The following SLC23A1 variants were observed in gnomAD, a reference collection of about 807,000 sequenced individuals.
SLC23A1 encodes Na(+)/L-ascorbic acid transporter 1.
A neutral mutation model predicts 62.5 loss-of-function variants in SLC23A1; 31 were observed. That is an observed-to-expected ratio of 0.50 (90% CI 0.37 to 0.67). The LOEUF (loss-of-function observed/expected upper bound fraction) is 0.67. Among genes scored for constraint, SLC23A1 ranks in the 30% least tolerant of loss-of-function variants. The pLI, the probability that SLC23A1 is intolerant of heterozygous loss-of-function variation, is 0.00. For synonymous variants in SLC23A1, 271 were observed against 313.2 expected, an observed-to-expected ratio of 0.87 and a Z score of 1.42; for missense variants, 640 against 782.7, an observed-to-expected ratio of 0.82 and a Z score of 2.18.
In SLC23A1 at chr5:139,380,086, G is replaced by A; in HGVS notation, c.648-10C>T. 6.2e-7 allele frequency: 1 copy of A among 1,604,374 alleles called. No individual in the cohort carries two copies. Among genetic ancestry groups the A allele is most frequent in the East Asian group, 2.2e-5 (1 of 44,548 alleles). On this transcript the variant is annotated splice_polypyrimidine_tract_variant and intron_variant, in intron 6 of 14. Coordinates refer to ENST00000348729, the MANE Select transcript of SLC23A1 (RefSeq NM_005847.5). Reference sequence around the variant, plus strand: ...GATCAGGAGAATGGAGCTGGGGGCAGAGGCACAATCAGGAAGTGGATGGGA... The same window carrying A: ...GATCAGGAGAATGGAGCTGGGGGCAAAGGCACAATCAGGAAGTGGATGGGA...
At chr5:139,373,555 T>C (rs1561972869) in intron 13 of SLC23A1, among the ~76,000 whole-genome samples, 1 of 151,542 alleles carries the variant, frequency 6.6e-6, no homozygotes, top group African/African-American at 2.4e-5. Flanking sequence ...ACAAGAGGGC[T>C]GGGATCGACA....
In SLC23A1 at chr5:139,379,971, G is replaced by C; in HGVS notation, c.753C>G (p.Ile251Met). The change falls in exon 7 of 15, where the codon ATC becomes ATG. Residue 251 changes from isoleucine (I) to methionine (M), a missense_variant. Ile to Met is a conservative substitution (Grantham distance 10, BLOSUM62 1). Coordinates refer to ENST00000348729, the MANE Select transcript of SLC23A1 (RefSeq NM_005847.5). The surrounding 1 kb of genome is among the most constrained non-coding windows in gnomAD (Gnocchi z 4.7). ...AGGTCCTCACAGGAAACATTTTGAA[G>C]ATCTGGATGCGGAGGAGAGTGAGGC... The part of the protein sequence containing the change: ...GKGLTLLRIQ[I>M]FKMFPIMLAI... 6.2e-7 allele frequency: 1 copy of C among 1,614,110 alleles called. No individual in the cohort carries two copies. The highest frequency in any genetic ancestry group is 8.5e-7 in the Non-Finnish European group (1 of 1,180,018).
At chr5:139,384,776 A>T, upstream of SLC23A1, 1 of 983,792 alleles carries the variant, frequency 1.0e-6, no homozygotes, top group Non-Finnish European at 1.2e-6. Flanking sequence ...AGCCTCTCTA[A>T]TCACCCCACA....
In SLC23A1 at chr5:139,382,696, GCTT is replaced by G. The variant is rs1581382636; in HGVS notation, c.37-94_37-92del. 7.3e-6 allele frequency: 6 copies of G among 824,726 alleles called. No homozygotes were observed. The East Asian group carries it at 1.6e-4, about 21-fold the overall frequency. The allele number at this position is 824,726 out of a possible 1,614,324, so 51.1% of individuals were successfully genotyped here. ...CAGAATCAATCAGGCAGCCCAAGTG[GCTT>G]GTCAGCAACTGAGAGCGGGGTTCCC... On this transcript the variant is annotated intron_variant, in intron 1 of 14. Coordinates refer to ENST00000348729, the MANE Select transcript of SLC23A1 (RefSeq NM_005847.5).
upstream of SLC23A1, among the ~76,000 whole-genome samples, chr5:139,385,161 A>G (rs964425374): frequency 2.0e-5 from 3 of 152,270 alleles, no homozygotes; most frequent in Non-Finnish European, 2.9e-5. Flanking sequence ...GTCTTCCTGC[A>G]CATGGCTCTC....
intron 14 of SLC23A1, among the ~76,000 whole-genome samples, chr5:139,371,054 C>A (rs1471638822): frequency 6.6e-6 from 1 of 151,984 alleles, no homozygotes; most frequent in Non-Finnish European, 1.5e-5. Context: ...TGCACTCCAG[C>A]CTGGGCGACA....
intron 13 of SLC23A1, 38 bp from the exon 14 acceptor site, chr5:139,372,291 A>G (rs1249691012): frequency 6.3e-7 from 1 of 1,592,038 alleles, no homozygotes; most frequent in Non-Finnish European, 8.6e-7. Context: ...CAAGGCCAGC[A>G]ACCCTCAGCC....
rs763828397 is a variant in SLC23A1, at chr5:139,372,067, A to G, written c.1736T>C (p.Ile579Thr). 1.8e-5 allele frequency: 29 copies of G among 1,612,782 alleles called. 1 individual carries two copies. The highest frequency in any genetic ancestry group is 5.5e-5 in the South Asian group (5 of 91,070). ...TTCTGGAGTGTCTTCTGGAATTGCA[A>G]TCTGATCTTTTGAACTTGAAGAAAA... Reference protein sequence around the residue: ...KGFSSSSKDQIAIPEDTPENT... With the variant: ...KGFSSSSKDQTAIPEDTPENT... The change falls in exon 14 of 15, where the codon ATT becomes ACT. Residue 579 changes from isoleucine to threonine, a missense_variant. Transcript: ENST00000348729.
At chr5:139,368,057 C>T (rs1757382902) in intron 14 of SLC23A1, among the ~76,000 whole-genome samples, 2 of 152,142 alleles carry the variant, frequency 1.3e-5, no homozygotes, top group African/African-American at 4.8e-5. Flanking sequence ...AAAATTAGGC[C>T]GGGCGCGGTG....
At chr5:139,382,714 G>C in intron 1 of SLC23A1, 109 bp from the exon 2 acceptor site, 1 of 726,164 alleles carries the variant, frequency 1.4e-6, no homozygotes, top group African/African-American at 1.8e-5. Flanking sequence ...GCAACTGAGA[G>C]CGGGGTTCCC....
Position 139,379,639 on chromosome 5 carries a change from C to G in SLC23A1, c.925+39G>C. 2 of 1,569,322 alleles carry G rather than the reference C, an allele frequency of 1.3e-6. No individual in the cohort carries two copies. Among genetic ancestry groups the G allele is most frequent in the Non-Finnish European group, 1.7e-6 (2 of 1,151,682 alleles). Reference sequence around the variant, plus strand: ...ACCAGGAGTCTGTCTCATAGGTGGTCTCAGTTGGGGGCAGAGGGGCCCAAG... The same window carrying G: ...ACCAGGAGTCTGTCTCATAGGTGGTGTCAGTTGGGGGCAGAGGGGCCCAAG... On this transcript the variant is annotated intron_variant, in intron 8 of 14. Transcript: ENST00000348729. This position sits in a 1 kb window ranked among gnomAD's most constrained non-coding sequence, Gnocchi z 4.7.
chr5:139,383,492 G>A, upstream of SLC23A1: 1 of 628,432 alleles, frequency 1.6e-6, no homozygotes, highest in Non-Finnish European at 2.0e-6. Flanking sequence ...ATCTGCGCCT[G>A]GGCGCTGGAC....
rs371861360 is a variant in SLC23A1 at position 139,382,514 on chromosome 5, A to T, written c.128T>A (p.Leu43Gln). 2 of 1,611,980 alleles carry T rather than the reference A, an allele frequency of 1.2e-6. No homozygotes were observed. The highest frequency in any genetic ancestry group is 2.7e-5 in the African/African-American group (2 of 74,858). ...CACCTGGAAGCCCAGCAGGATGCAC[A>T]GGTACCAAGGTGGCACGTCCTCGAT... is the stretch of plus-strand genomic sequence containing the variant. ...YKIEDVPPWY[L>Q]CILLGFQHYL... The change falls in exon 2 of 15, where the codon CTG becomes CAG. Residue 43 changes from leucine (L) to glutamine (Q), a missense_variant. By Grantham distance (113) the Leu-to-Gln change is moderately radical (BLOSUM62 -2). Coordinates refer to ENST00000348729, the MANE Select transcript of SLC23A1 (RefSeq NM_005847.5).
At chr5:139,371,057 G>C (rs1757638102) in intron 14 of SLC23A1, among the ~76,000 whole-genome samples, 1 of 152,058 alleles carries the variant, frequency 6.6e-6, no homozygotes, top group South Asian at 2.1e-4. Context: ...ACTCCAGCCT[G>C]GGCGACAGAG....
Position 139,380,339 on chromosome 5 carries a change from C to G in SLC23A1, c.516G>C (p.Leu172=). 1 of 1,611,716 alleles carries G rather than the reference C, an allele frequency of 6.2e-7. No homozygotes were observed. Among genetic ancestry groups the G allele is most frequent in the Non-Finnish European group, 8.5e-7 (1 of 1,179,044 alleles). ...VSSVVEVVIG[L]LGLPGALLNY... The stretch of plus-strand genomic sequence containing the variant: ...TGAGCAGGGCCCCAGGCAGCCCCAG[C>G]AGGCCAATCACCACCTCCACCACGC... Residue 172 remains leucine (L), a synonymous_variant, in exon 6 of 15, where the codon CTG becomes CTC. Transcript: ENST00000348729.
At chr5:139,384,724 T>G, upstream of SLC23A1, 1 of 985,262 alleles carries the variant, frequency 1.0e-6, no homozygotes, top group Non-Finnish European at 1.2e-6. Flanking sequence ...CGGTCCCAGA[T>G]CCACAGTAGC....
Position 139,372,239 on chromosome 5 carries a change from G to C in SLC23A1, c.1564C>G (p.Arg522Gly), listed in dbSNP as rs1393720132. The C allele has an allele frequency of 2.5e-6, 4 of 1,613,050 alleles. No homozygotes were observed. Among genetic ancestry groups the C allele is most frequent in the Non-Finnish European group, 3.4e-6 (4 of 1,179,424 alleles). Residue 522 changes from arginine to glycine, a missense_variant, in exon 14 of 15, where the codon CGT becomes GGT. Arg to Gly is a moderately radical substitution (Grantham distance 125). Transcript: ENST00000348729. ...CCAGCTTTCCACTGTATCAGACCAC[G>C]CTCCTCTGGGCTCCCTGGAAGAGGA... ...DNTVPGSPEE[R>G]GLIQWKAGAH...
chr5:139,372,297 C>CA, intron 13 of SLC23A1, 44 bp from the exon 14 acceptor site: 1 of 1,581,230 alleles, frequency 6.3e-7, no homozygotes, highest in Non-Finnish European at 8.6e-7. Flanking sequence ...CAGCAACCCT[C>CA]AGCCACCCCC....
chr5:139,384,386 C>G, upstream of SLC23A1: 3 of 1,289,320 alleles, frequency 2.3e-6, no homozygotes, highest in Non-Finnish European at 3.0e-6. Context: ...ATGGCCAGGC[C>G]CTGCCTGAAG....
Sources: gnomAD v4.1 joint callset for allele counts (sites outside exome capture counted in the v4.1 genomes callset) on GRCh38, gnomAD v4.1.1 for gene constraint, Gnocchi (gnomAD v3.1) non-coding constraint, MANE v1.5 for transcripts, NCBI Gene and HGNC (gene_info 2026-07-23, HGNC 2026-07-21) for gene names.